Variants in NMNAT1 observed in about 807,000 individuals in gnomAD.
NMNAT1 encodes the protein nicotinamide nucleotide adenylyltransferase 1, also known as nicotinamide/nicotinic acid mononucleotide adenylyltransferase 1.
Under a neutral mutation model 16.7 loss-of-function variants are expected in NMNAT1, and 11 were observed. The ratio of observed to expected loss-of-function variants is 0.66; its 90% CI spans 0.41 to 1.09. The LOEUF is 1.09. NMNAT1 is among the 50% of genes least tolerant of loss of function. The pLI, the probability that NMNAT1 is intolerant of heterozygous loss-of-function variation, is 0.00. For synonymous variants in NMNAT1, 110 were observed against 119.8 expected, an observed-to-expected ratio of 0.92 and a Z score of 0.53; for missense variants, 280 against 332.3, an observed-to-expected ratio of 0.84 and a Z score of 1.22.
At chr1:9,991,387 C>G in the NMNAT1 span, among the ~76,000 whole-genome samples, 1 of 152,110 alleles carries the variant, frequency 6.6e-6, no homozygotes, top group South Asian at 2.1e-4. Flanking sequence ...CCAGGCTGGT[C>G]TTGAACTCTT....
chr1:9,951,712 C>T (rs769957934), intron 1 of NMNAT1, among the ~76,000 whole-genome samples: 3 of 152,086 alleles, frequency 2.0e-5, no homozygotes, highest in East Asian at 1.9e-4. Context: ...TGGGCTCAAT[C>T]GATCTGCCTG....
intron 1 of NMNAT1, among the ~76,000 whole-genome samples, chr1:9,948,900 G>T (rs975754505): frequency 6.6e-6 from 1 of 151,386 alleles, no homozygotes; most frequent in African/African-American, 2.4e-5. Flanking sequence ...CACCCACCTG[G>T]CCTCCCAAAA....
intron 1 of NMNAT1, among the ~76,000 whole-genome samples, chr1:9,967,148 T>TGGGAGGCA (rs969237007): frequency 9.9e-5 from 15 of 151,900 alleles, no homozygotes; most frequent in African/African-American, 3.6e-4. Context: ...TGCTTAAACC[T>TGGGAGGCA]GGGAGGCAGA....
the NMNAT1 span, among the ~76,000 whole-genome samples, chr1:9,990,669 G>T: frequency 6.6e-6 from 1 of 152,198 alleles, no homozygotes; most frequent in African/African-American, 2.4e-5. Flanking sequence ...GTCCATGCCA[G>T]TCTTTGCTGA....
At chr1:9,980,448 G>A (rs1269103860) in intron 3 of NMNAT1, among the ~76,000 whole-genome samples, 4 of 65,678 alleles carry the variant, frequency 6.1e-5, no homozygotes, top group East Asian at 5.6e-4. Flanking sequence ...ATGAAACCCC[G>A]TCACTACTAA....
intron 1 of NMNAT1, among the ~76,000 whole-genome samples, chr1:9,944,666 C>T (rs1162431002): frequency 6.6e-6 from 1 of 152,130 alleles, no homozygotes; most frequent in Admixed American, 6.6e-5. Context: ...TTGGCACAAG[C>T]CACCGACAGG....
At chr1:9,959,486 G>A (rs994465538) in intron 1 of NMNAT1, among the ~76,000 whole-genome samples, 4 of 149,752 alleles carry the variant, frequency 2.7e-5, no homozygotes, top group African/African-American at 9.9e-5. Context: ...TTCAAGACCA[G>A]CATGACCAAT....
At chr1:9,964,187 G>A (rs763559492) in intron 1 of NMNAT1, among the ~76,000 whole-genome samples, 7 of 151,502 alleles carry the variant, frequency 4.6e-5, no homozygotes, top group Non-Finnish European at 8.8e-5. Context: ...CTACCACACC[G>A]GGCCGAAAGT....
At chr1:9,968,533 G>A (rs1218342152) in intron 1 of NMNAT1, among the ~76,000 whole-genome samples, 6 of 71,192 alleles carry the variant, frequency 8.4e-5, no homozygotes, top group Admixed American at 3.6e-4. Flanking sequence ...CTGGGAGGCC[G>A]AGGCAGGTGG....
chr1:9,959,373 G>GAA (rs70998331), intron 1 of NMNAT1, among the ~76,000 whole-genome samples: 2 of 117,598 alleles, frequency 1.7e-5, no homozygotes, highest in African/African-American at 6.6e-5. Context: ...CTCCATCTTG[G>GAA]AAAAAAAAAA....
chr1:9,965,303 G>A (rs1641518013), intron 1 of NMNAT1, among the ~76,000 whole-genome samples: 4 of 124,762 alleles, frequency 3.2e-5, no homozygotes, highest in Non-Finnish European at 1.6e-5. Context: ...GCAACAGAGC[G>A]AGACTCCATC....
chr1:9,956,654 C>T (rs1641268429), intron 1 of NMNAT1, among the ~76,000 whole-genome samples: 1 of 151,622 alleles, frequency 6.6e-6, no homozygotes, highest in Non-Finnish European at 1.5e-5. Flanking sequence ...AACTCCTGAC[C>T]TCAGGTGATC....
intron 1 of NMNAT1, among the ~76,000 whole-genome samples, chr1:9,970,556 G>A (rs1641664568): frequency 6.6e-6 from 1 of 152,018 alleles, no homozygotes; most frequent in Admixed American, 6.6e-5. Context: ...AGGTGTGGTG[G>A]CAGGCACCTG....
the NMNAT1 span, among the ~76,000 whole-genome samples, chr1:9,990,661 C>T: frequency 2.0e-5 from 3 of 152,248 alleles, no homozygotes; most frequent in Admixed American, 1.3e-4. Flanking sequence ...ACCACAAGGT[C>T]CATGCCAGTC....
At chr1:9,960,836 T>G (rs6673580) in intron 1 of NMNAT1, 119,611 of 152,130 alleles carry the variant, frequency 0.79, 49,632 homozygotes, top group Non-Finnish European at 0.92. Context: ...AGGACCCAGG[T>G]CAGTCCCGTT....
At chr1:9,949,864 C>T (rs933485212) in intron 1 of NMNAT1, 2 of 152,032 alleles carry the variant, frequency 1.3e-5, no homozygotes, top group Non-Finnish European at 2.9e-5. Context: ...TTTCTATTTT[C>T]CTTCCTCTTT....
chr1:9,964,471 G>A (rs971316037), intron 1 of NMNAT1, among the ~76,000 whole-genome samples: 3 of 151,110 alleles, frequency 2.0e-5, no homozygotes, highest in African/African-American at 7.3e-5. Flanking sequence ...CCAGGAGATC[G>A]TGGCTGCAGT....
chr1:9,958,446 T>G (rs1032699181), intron 1 of NMNAT1, among the ~76,000 whole-genome samples: 5 of 151,410 alleles, frequency 3.3e-5, no homozygotes, highest in African/African-American at 7.2e-5. Context: ...TTGTTTTGTT[T>G]TTTTTTTTTT....
In NMNAT1 at chr1:9,985,431, G is replaced by A. The variant is rs935511284; in HGVS notation, c.*2730G>A. The A allele has an allele frequency of 6.6e-6, 1 of 152,174 alleles. No homozygotes were observed. Among genetic ancestry groups the A allele is most frequent in the African/African-American group, 2.4e-5 (1 of 41,460 alleles). The allele number at this position is 152,174 out of a possible 1,614,324, so 9.4% of individuals were successfully genotyped here. ...TGTAAAATATTACTTTTCAAAGAAT[G>A]AAGTTGTAGCCAAATCTTGAAATTT... On this transcript the variant is annotated 3_prime_UTR_variant, in exon 5 of 5. Transcript: ENST00000377205.
Sources: gnomAD v4.1 joint callset for allele counts (sites outside exome capture counted in the v4.1 genomes callset) on GRCh38, gnomAD v4.1.1 for gene constraint, MANE v1.5 for transcripts, NCBI Gene and HGNC (gene_info 2026-07-23, HGNC 2026-07-21) for gene names.